CFAP299: variants seen among roughly 807,000 people sequenced by gnomAD.
CFAP299 encodes cilia and flagella associated protein 299.
A neutral mutation model predicts 27.0 loss-of-function variants in CFAP299; 21 were observed. The observed-to-expected ratio is 0.78, with a 90% confidence interval of 0.55 to 1.12. The LOEUF (loss-of-function observed/expected upper bound fraction) is 1.12. CFAP299 is among the 50% of genes most tolerant of loss of function. The probability of loss-of-function intolerance (pLI) is 0.00; values close to 1 mark genes in which losing one functional copy is unlikely to be tolerated. For synonymous variants in CFAP299, 104 were observed against 98.1 expected (o/e 1.06, Z -0.36); for missense variants, 310 against 276.6 (o/e 1.12, Z -0.86).
chr4:80,443,043 A>C (rs1728439161), intron 2 of CFAP299, among the ~76,000 whole-genome samples: 1 of 152,260 alleles, frequency 6.6e-6, no homozygotes, highest in Non-Finnish European at 1.5e-5. Flanking sequence ...GACAGTAGTT[A>C]ATAGCCTACC....
chr4:80,423,996 C>T (rs1433196548), intron 2 of CFAP299, among the ~76,000 whole-genome samples: 1 of 152,178 alleles, frequency 6.6e-6, no homozygotes, highest in Non-Finnish European at 1.5e-5. Context: ...GTGGCCATGC[C>T]CCAGACTGTC....
At chr4:80,497,948 A>G (rs1302555892) in intron 2 of CFAP299, among the ~76,000 whole-genome samples, 1 of 152,184 alleles carries the variant, frequency 6.6e-6, no homozygotes, top group Non-Finnish European at 1.5e-5. Flanking sequence ...TCCCAGATAC[A>G]AAGCCATACA....
chr4:80,623,936 C>A (rs959978113), intron 3 of CFAP299, among the ~76,000 whole-genome samples: 5 of 152,150 alleles, frequency 3.3e-5, no homozygotes, highest in African/African-American at 1.2e-4. Context: ...GTACGCCAGG[C>A]TTCAGGCAGC....
chr4:80,760,363 C>A (rs1296854960), intron 3 of CFAP299, among the ~76,000 whole-genome samples: 2 of 152,088 alleles, frequency 1.3e-5, no homozygotes, highest in Non-Finnish European at 1.5e-5. Flanking sequence ...GGAAGAAGAG[C>A]TGGGCACAGA....
At chr4:80,427,780 A>T (rs912855384) in intron 2 of CFAP299, among the ~76,000 whole-genome samples, 2 of 152,246 alleles carry the variant, frequency 1.3e-5, no homozygotes, top group Non-Finnish European at 2.9e-5. Context: ...TGGTGAAGGC[A>T]TTCAGGACAT....
chr4:80,775,886 TG>T (rs1726509336), intron 3 of CFAP299, among the ~76,000 whole-genome samples: 1 of 152,178 alleles, frequency 6.6e-6, no homozygotes, highest in South Asian at 2.1e-4. Flanking sequence ...AATTGCAATT[TG>T]GGAACCAACT....
chr4:80,539,949 A>G (rs1733921534), intron 2 of CFAP299, among the ~76,000 whole-genome samples: 1 of 152,208 alleles, frequency 6.6e-6, no homozygotes, highest in Non-Finnish European at 1.5e-5. Flanking sequence ...TTAGCAGAGC[A>G]TTTAGCTCCT....
At chr4:80,367,572 A>G (rs1366126438) in intron 2 of CFAP299, among the ~76,000 whole-genome samples, 2 of 152,096 alleles carry the variant, frequency 1.3e-5, no homozygotes, top group Admixed American at 1.3e-4. Context: ...TTGGTATCCA[A>G]GGTGATGATG....
chr4:80,879,519 G>C (rs1049773464), intron 4 of CFAP299, among the ~76,000 whole-genome samples: 2 of 152,164 alleles, frequency 1.3e-5, no homozygotes, highest in African/African-American at 4.8e-5. Context: ...AGCTGTAGAA[G>C]TGACAGTATA....
At chr4:80,417,097 G>T (rs1388154422) in intron 2 of CFAP299, among the ~76,000 whole-genome samples, 1 of 152,186 alleles carries the variant, frequency 6.6e-6, no homozygotes, top group Non-Finnish European at 1.5e-5. Context: ...TGGAAAAGGG[G>T]TGGGCAATTC....
At chr4:80,866,059 T>TTTTTTATATATA (rs886156357) in intron 3 of CFAP299, among the ~76,000 whole-genome samples, 8 of 58,382 alleles carry the variant, frequency 1.4e-4, no homozygotes, top group African/African-American at 3.1e-4. Context: ...ACTTAAAGTA[T>TTTTTTATATATA]TATATATATA....
intron 3 of CFAP299, among the ~76,000 whole-genome samples, chr4:80,836,532 C>T (rs1360222656): frequency 1.3e-5 from 2 of 152,256 alleles, no homozygotes; most frequent in East Asian, 3.9e-4. Flanking sequence ...TTTACCTGAC[C>T]TTCTTCAGTA....
chr4:80,854,810 GAAAAAAAAAAAAAAA>G (rs58533748), intron 3 of CFAP299, among the ~76,000 whole-genome samples: 1 of 43,360 alleles, frequency 2.3e-5, no homozygotes, highest in African/African-American at 7.3e-5. Flanking sequence ...CTGTTGCTAT[GAAAAAAAAAAAAAAA>G]AAAAAAAAAA....
At chr4:80,605,832 T>C (rs545840616) in intron 3 of CFAP299, among the ~76,000 whole-genome samples, 5 of 152,334 alleles carry the variant, frequency 3.3e-5, no homozygotes, top group Admixed American at 2.6e-4. Context: ...CTATTATTTT[T>C]ATTAACACTT....
chr4:80,459,290 A>G (rs1166722831), intron 2 of CFAP299, among the ~76,000 whole-genome samples: 1 of 152,222 alleles, frequency 6.6e-6, no homozygotes, highest in African/African-American at 2.4e-5. Context: ...GCATCCAGCC[A>G]GGCTTCTTAT....
chr4:80,515,681 A>G (rs897575272), intron 2 of CFAP299, among the ~76,000 whole-genome samples: 1 of 152,180 alleles, frequency 6.6e-6, no homozygotes, highest in African/African-American at 2.4e-5. Context: ...GTTGATTCCA[A>G]TGCATCATGG....
At chr4:80,676,107 T>A (rs548109845) in intron 3 of CFAP299, among the ~76,000 whole-genome samples, 2 of 152,192 alleles carry the variant, frequency 1.3e-5, no homozygotes, top group African/African-American at 4.8e-5. Context: ...CAGAAATCAC[T>A]GTCTTCTGCA....
intron 3 of CFAP299, among the ~76,000 whole-genome samples, chr4:80,705,604 G>A (rs1721773537): frequency 6.6e-6 from 1 of 151,768 alleles, no homozygotes; most frequent in South Asian, 2.1e-4. Context: ...AGAGGTGTGG[G>A]AACAGAACTG....
At chr4:80,692,021 A>C (rs1424812177) in intron 3 of CFAP299, among the ~76,000 whole-genome samples, 5 of 152,130 alleles carry the variant, frequency 3.3e-5, no homozygotes, top group Non-Finnish European at 7.3e-5. Flanking sequence ...AGAACTACAA[A>C]CCACTGCTCA....
Sources: gnomAD v4.1 joint callset for allele counts (sites outside exome capture counted in the v4.1 genomes callset) on GRCh38, gnomAD v4.1.1 for gene constraint, MANE v1.5 for transcripts, NCBI Gene and HGNC (gene_info 2026-07-23, HGNC 2026-07-21) for gene names.